The following TIAM2 variants were observed in gnomAD, a reference collection of about 807,000 sequenced individuals.
TIAM2 encodes the protein TIAM Rac1 associated GEF 2.
In TIAM2, 80 loss-of-function variants were observed where a neutral mutation model predicts 152.9. That is an observed-to-expected ratio of 0.52 (90% CI 0.44 to 0.63). The LOEUF is 0.63. TIAM2 is among the 30% of genes least tolerant of loss of function. The pLI is 0.00. For missense variants in TIAM2, 1,965 were observed against 2,120.1 expected (o/e 0.93, Z 1.44); for synonymous variants, 804 against 838.0 (o/e 0.96, Z 0.70).
chr6:155,124,464 GGGAT>G (rs1779244372), intron 2 of TIAM2, among the ~76,000 whole-genome samples: 1 of 152,212 alleles, frequency 6.6e-6, no homozygotes, highest in Admixed American at 6.5e-5. Flanking sequence ...CTGAGTAGCT[GGGAT>G]TACAGGCATG....
At chr6:155,048,170 T>A (rs1777244868) in intron 1 of TIAM2, among the ~76,000 whole-genome samples, 1 of 152,122 alleles carries the variant, frequency 6.6e-6, no homozygotes, top group Non-Finnish European at 1.5e-5. Context: ...CCAGGCTGGT[T>A]TTGAACGCCT....
intron 2 of TIAM2, among the ~76,000 whole-genome samples, chr6:155,100,125 A>G (rs1389339707): frequency 6.6e-6 from 1 of 152,200 alleles, no homozygotes; most frequent in African/African-American, 2.4e-5. Flanking sequence ...TCTCTTCATC[A>G]GCATCTGTGA....
At chr6:155,151,383 AAACT>A (rs1011856699) in intron 7 of TIAM2, among the ~76,000 whole-genome samples, 2 of 152,242 alleles carry the variant, frequency 1.3e-5, no homozygotes, top group South Asian at 2.1e-4. Flanking sequence ...CTGCACTTAC[AAACT>A]AACTGTGATA....
intron 2 of TIAM2, among the ~76,000 whole-genome samples, chr6:155,091,281 T>C (rs2114980136): frequency 6.6e-6 from 1 of 152,314 alleles, no homozygotes; most frequent in Non-Finnish European, 1.5e-5. Flanking sequence ...TGCATATTTA[T>C]GTATCGGCTT....
At position 155,069,351 on chromosome 6, in the gene TIAM2, C is replaced by T. The variant is rs556975095; in HGVS notation, c.-208-20938C>T. Among the ~76,000 whole-genome samples, 5 of 152,260 alleles carry T rather than the reference C, an allele frequency of 3.3e-5. No individual in the cohort carries two copies. The East Asian group carries it at 7.7e-4, about 24-fold the overall frequency. On this transcript the variant is annotated intron_variant, in intron 1 of 26. Coordinates refer to ENST00000682666, the MANE Select transcript of TIAM2 (RefSeq NM_012454.4). The stretch of plus-strand genomic sequence containing the variant: ...TTGAGCGATCCTCCCACCTCAGCCT[C>T]CCGAAATGCTGAGATTACAGGGGTA...
chr6:155,127,887 C>T (rs1296279123), intron 3 of TIAM2, among the ~76,000 whole-genome samples: 2 of 152,184 alleles, frequency 1.3e-5, no homozygotes, highest in Non-Finnish European at 2.9e-5. Flanking sequence ...GAGAAACTAG[C>T]TGGGCATGGT....
chr6:155,015,768 C>T (rs1249932850), intron 1 of TIAM2, among the ~76,000 whole-genome samples: 2 of 151,654 alleles, frequency 1.3e-5, no homozygotes, highest in Non-Finnish European at 2.9e-5. Flanking sequence ...GAAATCCTGT[C>T]TCTACTAAAA....
chr6:155,081,986 C>A (rs1470359093), intron 1 of TIAM2, among the ~76,000 whole-genome samples: 2 of 152,142 alleles, frequency 1.3e-5, no homozygotes, highest in Non-Finnish European at 1.5e-5. Flanking sequence ...TCATCCCTAT[C>A]CTGCCTCAGT....
chr6:155,138,299 G>A (rs574220049), intron 5 of TIAM2, among the ~76,000 whole-genome samples: 8 of 152,116 alleles, frequency 5.3e-5, no homozygotes, highest in Non-Finnish European at 1.2e-4. Flanking sequence ...TTCACATTCC[G>A]TACATGTTCA....
At chr6:155,199,522 G>A (rs1272306107) in intron 14 of TIAM2, among the ~76,000 whole-genome samples, 3 of 152,156 alleles carry the variant, frequency 2.0e-5, no homozygotes, top group Non-Finnish European at 4.4e-5. Context: ...TTTCGTCTGT[G>A]ACCATGGGCA....
In TIAM2 at chr6:155,092,466, G is replaced by T. The variant is rs144318584; in HGVS notation, c.-118+2087G>T. Among the ~76,000 whole-genome samples the T allele has an allele frequency of 3.4e-4, 51 of 152,184 alleles. No individual in the cohort carries two copies. The East Asian group carries it at 8.1e-3, about 24-fold the overall frequency. On this transcript the variant is annotated intron_variant, in intron 2 of 26. Transcript: ENST00000682666. ...AAATGGGGATAATAAAATTTTCCTTGAAGAATGATTATGATTAAGTATGTG... is the reference window on the plus strand; with the variant it reads ...AAATGGGGATAATAAAATTTTCCTTTAAGAATGATTATGATTAAGTATGTG...
rs887833066 is a variant in TIAM2, at chr6:155,213,787, C to T, written c.3168+2480C>T. Among the ~76,000 whole-genome samples the T allele has an allele frequency of 2.0e-4, 30 of 152,230 alleles. No individual in the cohort carries two copies. The highest frequency in any genetic ancestry group is 7.2e-4 in the African/African-American group (30 of 41,462). On this transcript the variant is annotated intron_variant, in intron 15 of 26. Transcript: ENST00000682666. This position sits in a 1 kb window ranked among gnomAD's most constrained non-coding sequence, Gnocchi z 4.2. ...GGCCTGCCTCCCATGCTCATTGGTGCCCAAAGTACAGCAGGGGGCTGGCAT... is the reference window on the plus strand; with the variant it reads ...GGCCTGCCTCCCATGCTCATTGGTGTCCAAAGTACAGCAGGGGGCTGGCAT...
Position 155,137,325 on chromosome 6 carries a change from C to A in TIAM2, c.1343C>A (p.Ala448Glu). The A allele has an allele frequency of 1.2e-6, 2 of 1,614,194 alleles. No individual in the cohort carries two copies. Among genetic ancestry groups the A allele is most frequent in the Non-Finnish European group, 8.5e-7 (1 of 1,180,028 alleles). The change falls in exon 5 of 27, where the codon GCG becomes GAG. Residue 448 changes from alanine (A) to glutamate (E), a missense_variant. By Grantham distance (107) the Ala-to-Glu change is moderately radical. Around this residue, in one of 3 missense-constraint regions of TIAM2, gnomAD observed 1,025 missense variants for 1,119.4 expected, o/e 0.92. Transcript: ENST00000682666. ...ILSQRSESTH[A>E]IGSDPLRQNI... is the part of the protein sequence containing the mutation. ...TCTCAGAGAAGTGAATCCACACATG[C>A]GATTGGCAGCGATCCCCTCCGGCAG...
rs1032897259 is a variant in TIAM2, at chr6:155,253,906, C to T, written c.4226-67C>T. ...CTTAACTGATGAGATTTCAACTTTA[C>T]AAGTGTTCTTAACCACAGCATTTTG... On this transcript the variant is annotated intron_variant, in intron 24 of 26. Transcript: ENST00000682666. 41 of 1,222,300 alleles carry T rather than the reference C, an allele frequency of 3.4e-5. No individual in the cohort carries two copies. In the South Asian group the frequency reaches 5.5e-4, roughly 17 times the overall value. 75.7% of individuals were successfully genotyped at this position (1,222,300 alleles called of 1,614,324 possible). A position where few individuals can be genotyped will look rare whatever the true frequency, so the allele number is the denominator to read the frequency against.
At chr6:155,245,820 G>A (rs1783293750) in intron 19 of TIAM2, 89 bp downstream of exon 19, 5 of 898,504 alleles carry the variant, frequency 5.6e-6, no homozygotes, top group East Asian at 2.5e-5. Flanking sequence ...CAAGTAGAGA[G>A]TAAGTACAAT....
chr6:155,118,726 CGCACG>C (rs1173311535), intron 2 of TIAM2, among the ~76,000 whole-genome samples: 1 of 152,078 alleles, frequency 6.6e-6, no homozygotes, highest in Non-Finnish European at 1.5e-5. Context: ...TGAGCCACCG[CGCACG>C]GCCTTCTCTT....
chr6:155,253,285 C>T (rs1783784750), intron 24 of TIAM2: 4 of 514,282 alleles, frequency 7.8e-6, no homozygotes, highest in Non-Finnish European at 3.5e-6. Context: ...TCCTTATTTT[C>T]CCTATCAATA....
At chr6:155,210,186 CTA>C (rs1383442555) in intron 14 of TIAM2, among the ~76,000 whole-genome samples, 3 of 152,040 alleles carry the variant, frequency 2.0e-5, no homozygotes, top group South Asian at 2.1e-4. Context: ...GGCTGGAAAA[CTA>C]TGTGTTCTAC....
chr6:155,062,878 C>T lies in TIAM2; in HGVS notation c.-208-27411C>T, dbSNP rs547181560. Among the ~76,000 whole-genome samples, 4 of 152,018 alleles carry T rather than the reference C, an allele frequency of 2.6e-5. No homozygotes were observed. The South Asian group carries it at 8.3e-4, about 32-fold the overall frequency. Reference sequence around the variant, plus strand: ...GCGTGAGCCACCATGCCTGGCCTCTCCTTGTGGTTTTAATTTGCATTTCCT... The same window carrying T: ...GCGTGAGCCACCATGCCTGGCCTCTTCTTGTGGTTTTAATTTGCATTTCCT... On this transcript the variant is annotated intron_variant, in intron 1 of 26. Coordinates refer to ENST00000682666, the MANE Select transcript of TIAM2 (RefSeq NM_012454.4).
Sources: allele counts gnomAD v4.1 joint callset (sites outside exome capture counted in the v4.1 genomes callset), GRCh38; gene constraint gnomAD v4.1.1; regional missense constraint gnomAD v4.1.1; non-coding constraint Gnocchi (gnomAD v3.1); transcripts MANE v1.5; gene names NCBI Gene and HGNC (gene_info 2026-07-23, HGNC 2026-07-21).